Variants in SCHIP1 observed in about 807,000 individuals in gnomAD.
SCHIP1 encodes schwannomin interacting protein 1, also known as schwannomin-interacting protein 1.
A neutral mutation model predicts 29.7 loss-of-function variants in SCHIP1; 8 were observed. The observed-to-expected ratio is 0.27, with a 90% CI of 0.16 to 0.49. The LOEUF (loss-of-function observed/expected upper bound fraction) is 0.49, where lower values mean the gene tolerates loss of function less well. SCHIP1 is among the 20% of genes least tolerant of loss of function. SCHIP1 has a pLI of 0.99. For synonymous variants in SCHIP1, 76 were observed against 94.9 expected, an observed-to-expected ratio of 0.80 and a Z score of 1.16; for missense variants, 193 against 294.6, an observed-to-expected ratio of 0.66 and a Z score of 2.52.
chr3:159,892,471 T>C lies in SCHIP1; in HGVS notation c.683+281T>C. On this transcript the variant is annotated intron_variant, in intron 6 of 6. Transcript: ENST00000445224. Reference sequence around the variant, plus strand: ...GGTCTAGTTCTGGTTTTGGAGGACTTTACCTTGAAGGACTGTCCCCTGGGA... The same window carrying C: ...GGTCTAGTTCTGGTTTTGGAGGACTCTACCTTGAAGGACTGTCCCCTGGGA... 5.2e-6 allele frequency: 3 copies of C among 574,226 alleles called. No homozygotes were observed. The South Asian group carries it at 6.8e-5, about 13-fold the overall frequency. The allele number at this position is 574,226 out of a possible 1,614,324, so 35.6% of individuals were successfully genotyped here. A position where few individuals can be genotyped will look rare whatever the true frequency, so the allele number is the denominator to read the frequency against.
At chr3:159,418,089 C>A in the SCHIP1 span, among the ~76,000 whole-genome samples, 6 of 152,182 alleles carry the variant, frequency 3.9e-5, no homozygotes, top group African/African-American at 1.4e-4. Context: ...ATTTGTTAAG[C>A]AACATTATTG....
the SCHIP1 span, among the ~76,000 whole-genome samples, chr3:159,609,718 T>C: frequency 1.3e-5 from 2 of 152,126 alleles, no homozygotes; most frequent in Non-Finnish European, 2.9e-5. Flanking sequence ...AGAGTTGCCC[T>C]ACGAGCCCTG....
chr3:159,299,039 A>G, the SCHIP1 span, among the ~76,000 whole-genome samples: 1 of 151,708 alleles, frequency 6.6e-6, no homozygotes, highest in Non-Finnish European at 1.5e-5. Context: ...AAATTCTAGG[A>G]TTTACCTTCT....
the SCHIP1 span, among the ~76,000 whole-genome samples, chr3:159,347,775 T>C: frequency 6.6e-6 from 1 of 152,168 alleles, no homozygotes; most frequent in Non-Finnish European, 1.5e-5. Context: ...CACAATTTCC[T>C]TTTTTTGTCC....
At chr3:159,361,850 T>G in the SCHIP1 span, among the ~76,000 whole-genome samples, 6 of 152,158 alleles carry the variant, frequency 3.9e-5, no homozygotes, top group Non-Finnish European at 5.9e-5. Context: ...CCCAAAGAAT[T>G]GGAAGTTTGG....
At chr3:159,545,629 A>C in the SCHIP1 span, among the ~76,000 whole-genome samples, 1 of 148,240 alleles carries the variant, frequency 6.7e-6, no homozygotes, top group Non-Finnish European at 1.5e-5. Context: ...CAATATATAT[A>C]CAATATATAC....
the SCHIP1 span, among the ~76,000 whole-genome samples, chr3:159,463,142 T>G: frequency 6.6e-6 from 1 of 151,782 alleles, no homozygotes; most frequent in Non-Finnish European, 1.5e-5. Context: ...ATACAGTATA[T>G]AGTTCATAGC....
chr3:159,384,878 T>C, the SCHIP1 span, among the ~76,000 whole-genome samples: 1 of 152,196 alleles, frequency 6.6e-6, no homozygotes, highest in African/African-American at 2.4e-5. Flanking sequence ...TTCTTCTAGA[T>C]TTTCTAGTTT....
chr3:159,488,936 T>A, the SCHIP1 span, among the ~76,000 whole-genome samples: 1 of 152,226 alleles, frequency 6.6e-6, no homozygotes, highest in Non-Finnish European at 1.5e-5. Context: ...ACATGTTGAA[T>A]AAGAAGATAA....
the SCHIP1 span, among the ~76,000 whole-genome samples, chr3:159,537,085 A>G: frequency 6.6e-6 from 1 of 152,168 alleles, no homozygotes; most frequent in Non-Finnish European, 1.5e-5. Context: ...CCAGAATACC[A>G]CTGCTCCTGT....
At chr3:159,314,043 A>T in the SCHIP1 span, among the ~76,000 whole-genome samples, 1 of 152,204 alleles carries the variant, frequency 6.6e-6, no homozygotes, top group African/African-American at 2.4e-5. Flanking sequence ...TCACTTGTAT[A>T]AAGTGATATC....
At chr3:159,312,917 C>A in the SCHIP1 span, among the ~76,000 whole-genome samples, 26 of 152,214 alleles carry the variant, frequency 1.7e-4, no homozygotes, top group African/African-American at 5.1e-4. Flanking sequence ...AGCTAGAAAG[C>A]ATTTTTCTTA....
the SCHIP1 span, among the ~76,000 whole-genome samples, chr3:159,510,132 C>A: frequency 6.6e-6 from 1 of 152,182 alleles, no homozygotes; most frequent in African/African-American, 2.4e-5. Flanking sequence ...GGTCTTTTCA[C>A]ATAGTCCCAT....
the SCHIP1 span, among the ~76,000 whole-genome samples, chr3:159,778,254 A>G: frequency 1.3e-5 from 2 of 152,178 alleles, no homozygotes; most frequent in South Asian, 2.1e-4. Context: ...CGGCCTCCCA[A>G]AGTGCTGGGA....
chr3:159,751,860 T>C, the SCHIP1 span, among the ~76,000 whole-genome samples: 1 of 152,222 alleles, frequency 6.6e-6, no homozygotes, highest in Non-Finnish European at 1.5e-5. Context: ...AAATCTCATG[T>C]TGAATTGTAA....
chr3:159,394,761 G>T, the SCHIP1 span, among the ~76,000 whole-genome samples: 7 of 152,236 alleles, frequency 4.6e-5, no homozygotes, highest in South Asian at 6.2e-4. Context: ...ATCAAGGATA[G>T]TGATCTAAAA....
the SCHIP1 span, among the ~76,000 whole-genome samples, chr3:159,481,595 C>G: frequency 6.6e-6 from 1 of 152,122 alleles, no homozygotes; most frequent in Admixed American, 6.5e-5. Flanking sequence ...GCAACCTGAT[C>G]ACCAACCCAT....
chr3:159,466,615 T>C, the SCHIP1 span, among the ~76,000 whole-genome samples: 1 of 152,158 alleles, frequency 6.6e-6, no homozygotes, highest in African/African-American at 2.4e-5. Flanking sequence ...ATGACTGCAT[T>C]TGGAATGAAG....
the SCHIP1 span, among the ~76,000 whole-genome samples, chr3:159,473,384 C>A: frequency 2.6e-5 from 4 of 151,954 alleles, no homozygotes; most frequent in Non-Finnish European, 5.9e-5. Flanking sequence ...GGCAGAAAAG[C>A]CAGCAATTCC....
Sources: allele counts gnomAD v4.1 joint callset (sites outside exome capture counted in the v4.1 genomes callset), GRCh38; gene constraint gnomAD v4.1.1; transcripts MANE v1.5; gene names NCBI Gene and HGNC (gene_info 2026-07-23, HGNC 2026-07-21).